LPCAT1: variants seen among roughly 807,000 people sequenced by gnomAD.
LPCAT1 encodes the protein lysophosphatidylcholine acyltransferase 1.
In LPCAT1, 23 loss-of-function variants were observed where a neutral mutation model predicts 60.9. The observed-to-expected ratio is 0.38, with a 90% CI of 0.27 to 0.53. The LOEUF is 0.53. Ranked by LOEUF, LPCAT1 falls within the 20% of genes least tolerant of loss-of-function variation. The probability of loss-of-function intolerance (pLI) is 0.82; values close to 1 mark genes in which losing one functional copy is unlikely to be tolerated. For missense variants in LPCAT1, 622 were observed against 723.6 expected (o/e 0.86, Z 1.61); for synonymous variants, 340 against 301.1 (o/e 1.13, Z -1.34).
intron 1 of LPCAT1, among the ~76,000 whole-genome samples, chr5:1,517,473 C>T (rs1316063615): frequency 2.6e-5 from 4 of 152,178 alleles, no homozygotes; most frequent in African/African-American, 9.6e-5. Flanking sequence ...GGACAGGGAG[C>T]CACGTTCTCC....
chr5:1,463,980 G>T, intron 13 of LPCAT1, 145 bp from the exon 14 acceptor site: 2 of 837,918 alleles, frequency 2.4e-6, no homozygotes, highest in East Asian at 2.5e-5. Context: ...GATGCTTTCA[G>T]GGTGGAGAGA....
intron 2 of LPCAT1, among the ~76,000 whole-genome samples, chr5:1,498,764 A>C (rs532567055): frequency 5.9e-5 from 9 of 152,174 alleles, no homozygotes; most frequent in Admixed American, 1.3e-4. Flanking sequence ...ACACACATGC[A>C]ACACACACAG....
chr5:1,482,733 G>A (rs1263926496), intron 6 of LPCAT1, among the ~76,000 whole-genome samples: 1 of 143,144 alleles, frequency 7.0e-6, no homozygotes, highest in Non-Finnish European at 1.5e-5. Context: ...GGGGTGGGGT[G>A]GGGTGTGGTG....
chr5:1,482,870 G>A (rs1047515050), intron 6 of LPCAT1, among the ~76,000 whole-genome samples: 6 of 152,146 alleles, frequency 3.9e-5, no homozygotes, highest in Admixed American at 2.0e-4. Context: ...TTCGCCCCAG[G>A]AGCTCTGGAC....
At position 1,481,799 on chromosome 5, in the gene LPCAT1, C is replaced by T. The variant is rs892698446; in HGVS notation, c.727-823G>A. 5.9e-5 allele frequency among the ~76,000 whole-genome samples: 9 copies of T among 152,244 alleles called. No individual in the cohort carries two copies. Among genetic ancestry groups the T allele is most frequent in the East Asian group, 1.9e-4 (1 of 5,198 alleles). Reference sequence around the variant, plus strand: ...GCCAGGAGCCTGGCTGACAAACGCACGCCTCAGTAAGAAGGAAGAGGTCTT... The same window carrying T: ...GCCAGGAGCCTGGCTGACAAACGCATGCCTCAGTAAGAAGGAAGAGGTCTT... On this transcript the variant is annotated intron_variant, in intron 6 of 13. Transcript: ENST00000283415. The surrounding 1 kb of genome is among the most constrained non-coding windows in gnomAD (Gnocchi z 7.8).
intron 13 of LPCAT1, among the ~76,000 whole-genome samples, chr5:1,465,065 GC>G (rs1560944452): frequency 0.029 from 3,592 of 125,216 alleles, 156 homozygotes; most frequent in African/African-American, 0.11. Context: ...ACAAGTGCAC[GC>G]ACACACACGG....
chr5:1,494,639 G>A (rs1258494740), intron 3 of LPCAT1, 61 bp downstream of exon 3: 2 of 1,466,594 alleles, frequency 1.4e-6, no homozygotes, highest in Non-Finnish European at 1.9e-6. Flanking sequence ...TCAGCAGCAG[G>A]GGGATCTCTC....
At chr5:1,500,820 C>T (rs576260151) in intron 2 of LPCAT1, among the ~76,000 whole-genome samples, 3 of 152,330 alleles carry the variant, frequency 2.0e-5, no homozygotes, top group South Asian at 4.1e-4. Flanking sequence ...ACCTGCCCCC[C>T]GAGCAGCCGT....
chr5:1,494,117 G>A (rs528907002), intron 3 of LPCAT1, among the ~76,000 whole-genome samples: 1 of 149,150 alleles, frequency 6.7e-6, no homozygotes, highest in South Asian at 2.2e-4. Context: ...CTTTGGGGAG[G>A]GGTCATGGCA....
At position 1,470,814 on chromosome 5, in the gene LPCAT1, C is replaced by T. The variant is rs1413968884; in HGVS notation, c.1278+12G>A. On this transcript the variant is annotated intron_variant, in intron 12 of 13. Transcript: ENST00000283415. The stretch of plus-strand genomic sequence containing the variant: ...TGTCCCCCAGTCAAACCCATGTGAA[C>T]TCTGCACTCACCTTGAAAGCCAGCT... The T allele has an allele frequency of 1.4e-5, 22 of 1,611,848 alleles. No homozygotes were observed. The highest frequency in any genetic ancestry group is 1.9e-5 in the Non-Finnish European group (22 of 1,178,752).
At position 1,481,353 on chromosome 5, in the gene LPCAT1, G is replaced by T. The variant is rs1490262201; in HGVS notation, c.727-377C>A. 6.6e-6 allele frequency among the ~76,000 whole-genome samples: 1 copy of T among 152,214 alleles called. No homozygotes were observed. Among genetic ancestry groups the T allele is most frequent in the Non-Finnish European group, 1.5e-5 (1 of 68,034 alleles). On this transcript the variant is annotated intron_variant, in intron 6 of 13. Coordinates refer to ENST00000283415, the MANE Select transcript of LPCAT1 (RefSeq NM_024830.5). The surrounding 1 kb of genome is among the most constrained non-coding windows in gnomAD (Gnocchi z 7.8). ...TCTCCGCTTTCCTCACAGACCTGGGGACACCAATTCCAGTGTGCACCCGGG... is the reference window on the plus strand; with the variant it reads ...TCTCCGCTTTCCTCACAGACCTGGGTACACCAATTCCAGTGTGCACCCGGG...
chr5:1,477,442 G>C lies in LPCAT1; in HGVS notation c.861C>G (p.Pro287=), dbSNP rs76112807. The C allele has an allele frequency of 1.2e-6, 2 of 1,613,964 alleles. No homozygotes were observed. The highest frequency in any genetic ancestry group is 1.7e-6 in the Non-Finnish European group (2 of 1,179,938). The part of the protein sequence containing the change: ...YSPSEEEKRN[P]ALYASNVRRV... ...GCCGCACGTTGCTGGCATACAGCGC[G>C]GGGTTCCTCTTCTCCTCCTCAGAAG... is the stretch of plus-strand genomic sequence containing the variant. Residue 287 remains proline, a synonymous_variant, in exon 9 of 14, where the codon CCC becomes CCG. Coordinates refer to ENST00000283415, the MANE Select transcript of LPCAT1 (RefSeq NM_024830.5). This position sits in a 1 kb window ranked among gnomAD's most constrained non-coding sequence, Gnocchi z 6.0.
At chr5:1,490,133 C>T (rs752881857) in intron 3 of LPCAT1, among the ~76,000 whole-genome samples, 2 of 152,208 alleles carry the variant, frequency 1.3e-5, no homozygotes, top group Non-Finnish European at 2.9e-5. Context: ...GAGCACAGAA[C>T]GGAGGTCAAT....
intron 11 of LPCAT1, 113 bp downstream of exon 11, chr5:1,473,844 T>C: frequency 7.3e-7 from 1 of 1,366,346 alleles, no homozygotes; most frequent in South Asian, 1.5e-5. Context: ...GTGGTTTTCC[T>C]TCTCTGCTTT....
chr5:1,465,563 A>G (rs557527662), intron 13 of LPCAT1, among the ~76,000 whole-genome samples: 5 of 151,326 alleles, frequency 3.3e-5, no homozygotes, highest in East Asian at 2.0e-4. Context: ...ACACATGCCC[A>G]TGCACACACA....
chr5:1,473,517 G>A (rs931036657), intron 11 of LPCAT1, among the ~76,000 whole-genome samples: 26 of 152,340 alleles, frequency 1.7e-4, no homozygotes, highest in Middle Eastern at 3.4e-3. Flanking sequence ...GGGAGTGGGC[G>A]GCTGCACCAG....
In LPCAT1 at chr5:1,462,299, G is replaced by A. The variant is rs1734131697; in HGVS notation, c.*1352C>T. On this transcript the variant is annotated 3_prime_UTR_variant, in exon 14 of 14. Transcript: ENST00000283415. The stretch of plus-strand genomic sequence containing the variant: ...TGATGATTATTGTGCTTGAAGGATG[G>A]GTTTCTAATTCTGTCATAAAAAATG... The A allele has an allele frequency of 6.6e-6, 1 of 152,462 alleles. No individual in the cohort carries two copies. The highest frequency in any genetic ancestry group is 2.1e-4 in the South Asian group (1 of 4,824). 9.4% of individuals were successfully genotyped at this position (152,462 alleles called of 1,614,324 possible).
intron 1 of LPCAT1, among the ~76,000 whole-genome samples, chr5:1,518,828 CAT>C (rs1216321361): frequency 2.6e-5 from 4 of 152,256 alleles, no homozygotes; most frequent in South Asian, 2.1e-4. Flanking sequence ...TGCGTAAAAA[CAT>C]GTGCTCCTTT....
intron 13 of LPCAT1, among the ~76,000 whole-genome samples, chr5:1,465,877 G>A (rs1031249437): frequency 2.1e-5 from 3 of 142,024 alleles, no homozygotes; most frequent in African/African-American, 4.9e-5. Flanking sequence ...TGAAACAAAC[G>A]CACACAGGCG....
Sources: allele counts gnomAD v4.1 joint callset (sites outside exome capture counted in the v4.1 genomes callset), GRCh38; gene constraint gnomAD v4.1.1; non-coding constraint Gnocchi (gnomAD v3.1); transcripts MANE v1.5; gene names NCBI Gene and HGNC (gene_info 2026-07-23, HGNC 2026-07-21).